The following MACF1 variants were observed in gnomAD, a reference collection of about 807,000 sequenced individuals.
The protein encoded by MACF1 is microtubule-actin cross-linking factor 1.
A neutral mutation model predicts 854.8 loss-of-function variants in MACF1; 193 were observed. The ratio of observed to expected loss-of-function variants is 0.23; its 90% CI spans 0.20 to 0.25. MACF1 has a LOEUF of 0.25. MACF1 is among the 10% of genes least tolerant of loss of function. The probability of loss-of-function intolerance (pLI) is 1.00; values close to 1 mark genes in which losing one functional copy is unlikely to be tolerated. For missense variants in MACF1, 7,722 were observed against 8,929.1 expected, an observed-to-expected ratio of 0.86 and a Z score of 5.45; for synonymous variants, 3,185 against 3,226.7, an observed-to-expected ratio of 0.99 and a Z score of 0.44.
chr1:39,459,082 T>A lies in MACF1; in HGVS notation c.21197-4T>A. ...TCTAATCTTGTGATTATTTTTCCTT[T>A]TAGGGAAATCCCTAAGTCAGCCAAC... On this transcript the variant is annotated splice_region_variant and splice_polypyrimidine_tract_variant and intron_variant, in intron 90 of 100. Transcript: ENST00000564288. 1.2e-6 allele frequency: 2 copies of A among 1,608,896 alleles called. No individual in the cohort carries two copies. The highest frequency in any genetic ancestry group is 1.7e-6 in the Non-Finnish European group (2 of 1,178,054).
intron 2 of MACF1, among the ~76,000 whole-genome samples, chr1:39,111,285 C>T (rs1642396222): frequency 6.6e-6 from 1 of 152,140 alleles, no homozygotes. Flanking sequence ...AACCTCAAAC[C>T]CCCGGGCTCA....
intron 2 of MACF1, among the ~76,000 whole-genome samples, chr1:39,173,745 A>G (rs1327866128): frequency 6.6e-6 from 1 of 152,160 alleles, no homozygotes; most frequent in African/African-American, 2.4e-5. Context: ...GGCTGGCTTT[A>G]CTGAGTGGGA....
At chr1:39,153,565 C>G (rs537903501) in intron 2 of MACF1, among the ~76,000 whole-genome samples, 7 of 152,222 alleles carry the variant, frequency 4.6e-5, no homozygotes, top group Middle Eastern at 3.4e-3. Context: ...CTTGTTGGGC[C>G]GTGAAGCATA....
chr1:39,449,318 G>C (rs1187160007), intron 84 of MACF1, among the ~76,000 whole-genome samples: 1 of 152,150 alleles, frequency 6.6e-6, no homozygotes, highest in Admixed American at 6.5e-5. Context: ...ATGGCAGTTT[G>C]GTTCTAAAAG....
At chr1:39,291,779 T>G in intron 15 of MACF1, 131 bp from the exon 16 acceptor site, 1 of 815,022 alleles carries the variant, frequency 1.2e-6, no homozygotes, top group Non-Finnish European at 1.8e-6. Flanking sequence ...GGCTGTAGAT[T>G]GAAGGAGATG....
chr1:39,291,760 T>C (rs1645795365), intron 15 of MACF1, 150 bp from the exon 16 acceptor site: 1 of 644,318 alleles, frequency 1.6e-6, no homozygotes, highest in East Asian at 3.2e-5. Context: ...GCGTAATTTT[T>C]GTGTAAGAGG....
intron 43 of MACF1, among the ~76,000 whole-genome samples, chr1:39,351,851 G>C (rs1020889109): frequency 6.6e-6 from 1 of 152,016 alleles, no homozygotes; most frequent in Non-Finnish European, 1.5e-5. Context: ...GCCTCCCAAA[G>C]TGCTGGGATT....
chr1:39,161,929 C>T (rs1211787092), intron 2 of MACF1, among the ~76,000 whole-genome samples: 2 of 149,472 alleles, frequency 1.3e-5, no homozygotes, highest in Admixed American at 6.6e-5. Flanking sequence ...TGATGGTGTG[C>T]GCCTATAGTT....
chr1:39,346,252 C>T (rs1369192441), intron 40 of MACF1, among the ~76,000 whole-genome samples: 1 of 151,878 alleles, frequency 6.6e-6, no homozygotes, highest in Non-Finnish European at 1.5e-5. Context: ...GTCCCAGCTA[C>T]TCGAGAGGCT....
rs57125297 is a variant in MACF1, at chr1:39,403,078, GTTGTTTTGTTTTGTTTTGTT to G, written c.15816+14439_15816+14458del. On this transcript the variant is annotated intron_variant, in intron 58 of 100. Transcript: ENST00000564288. ...TTTGGTTTGGTTTTTTTTTTGTTTG[GTTGTTTTGTTTTGTTTTGTT>G]TTGTTTTGTTTTGTTTTGAGATGGA... is the stretch of plus-strand genomic sequence containing the variant. Among the ~76,000 whole-genome samples the G allele has an allele frequency of 4.1e-3, 598 of 145,876 alleles. 1 individual carries two copies. The highest frequency in any genetic ancestry group is 7.1e-3 in the Non-Finnish European group (476 of 67,012).
intron 2 of MACF1, among the ~76,000 whole-genome samples, chr1:39,139,017 A>G (rs990453890): frequency 2.6e-5 from 4 of 152,190 alleles, no homozygotes; most frequent in African/African-American, 7.2e-5. Flanking sequence ...GAGGAATAAC[A>G]GTATCATTTT....
chr1:39,144,829 G>A (rs971938092), intron 2 of MACF1, among the ~76,000 whole-genome samples: 3 of 151,948 alleles, frequency 2.0e-5, no homozygotes, highest in African/African-American at 7.3e-5. Flanking sequence ...TTTGGGGGAG[G>A]GTATTTTAGG....
chr1:39,411,948 G>GA (rs1359351907), intron 58 of MACF1: 1 of 1,613,852 alleles, frequency 6.2e-7, no homozygotes, highest in Non-Finnish European at 8.5e-7. Context: ...TTGATATCAT[G>GA]AGAGACACTT....
chr1:39,283,595 A>G lies in MACF1; in HGVS notation c.915+80A>G, dbSNP rs1401789583. The G allele has an allele frequency of 4.1e-6, 4 of 965,622 alleles. No homozygotes were observed. In the African/African-American group the frequency reaches 6.4e-5, roughly 16 times the overall value. 59.8% of individuals were successfully genotyped at this position (965,622 alleles called of 1,614,324 possible). ...GCATTGGTTAGACACTTTCTTAAGC[A>G]CTTATGGTATACTCATGGTATCAAA... On this transcript the variant is annotated intron_variant, in intron 9 of 100. Coordinates refer to ENST00000564288, the MANE Select transcript of MACF1 (RefSeq NM_001394062.1). The surrounding 1 kb of genome is among the most constrained non-coding windows in gnomAD (Gnocchi z 4.5).
intron 2 of MACF1, among the ~76,000 whole-genome samples, chr1:39,156,196 A>G (rs1436044669): frequency 1.3e-5 from 2 of 151,432 alleles, no homozygotes; most frequent in Non-Finnish European, 2.9e-5. Context: ...TTTAGTAGAG[A>G]TGGGGTTTCA....
chr1:39,225,691 A>G (rs182600155), intron 1 of MACF1, among the ~76,000 whole-genome samples: 188 of 152,208 alleles, frequency 1.2e-3, no homozygotes, highest in African/African-American at 4.2e-3. Flanking sequence ...TGGGGCTGAG[A>G]TTATAAAGAA....
At chr1:39,478,631 G>T (rs562246607) in intron 97 of MACF1, among the ~76,000 whole-genome samples, 24 of 152,262 alleles carry the variant, frequency 1.6e-4, no homozygotes, top group African/African-American at 5.8e-4. Context: ...CATGCTGCTT[G>T]GACACTTATG....
intron 2 of MACF1, among the ~76,000 whole-genome samples, chr1:39,172,987 A>G (rs1267412702): frequency 6.6e-6 from 1 of 152,182 alleles, no homozygotes; most frequent in Non-Finnish European, 1.5e-5. Context: ...TGCTAGGAAA[A>G]TAAAGACCAC....
At chr1:39,271,414 G>A (rs559900653) in intron 6 of MACF1, among the ~76,000 whole-genome samples, 1 of 152,062 alleles carries the variant, frequency 6.6e-6, no homozygotes, top group Non-Finnish European at 1.5e-5. Context: ...CAGCACCAAG[G>A]GGATGGTGCT....
Sources: gnomAD v4.1 joint callset for allele counts (sites outside exome capture counted in the v4.1 genomes callset) on GRCh38, gnomAD v4.1.1 for gene constraint, Gnocchi (gnomAD v3.1) non-coding constraint, MANE v1.5 for transcripts, NCBI Gene and HGNC (gene_info 2026-07-23, HGNC 2026-07-21) for gene names.